RFX4: variants seen among roughly 807,000 people sequenced by gnomAD.
RFX4 encodes the protein transcription factor RFX4.
A neutral mutation model predicts 95.0 loss-of-function variants in RFX4; 10 were observed. That is an observed-to-expected ratio of 0.11 (90% CI 0.06 to 0.18). The LOEUF (loss-of-function observed/expected upper bound fraction) is 0.18, where lower values mean the gene tolerates loss of function less well. Ranked by LOEUF, RFX4 falls within the 10% of genes least tolerant of loss-of-function variation. The pLI, the probability that RFX4 is intolerant of heterozygous loss-of-function variation, is 1.00. For synonymous variants in RFX4, 321 were observed against 340.7 expected (o/e 0.94, Z 0.64); for missense variants, 640 against 922.0 (o/e 0.69, Z 3.96).
chr12:106,704,939 C>T (rs1188126797), intron 8 of RFX4, among the ~76,000 whole-genome samples: 2 of 152,088 alleles, frequency 1.3e-5, no homozygotes, highest in Non-Finnish European at 2.9e-5. Context: ...CAACATCAGA[C>T]AGAAAGGCAG....
rs1200972708 is a variant in RFX4, at chr12:106,641,951, C to CTATCTATATCTA, written c.191+2567_191+2578dup. On this transcript the variant is annotated intron_variant, in intron 3 of 17. Coordinates refer to ENST00000392842, the MANE Select transcript of RFX4 (RefSeq NM_213594.3). ...GAAATATCTATATCTATGTCTATAT[C>CTATCTATATCTA]TATCTATATCTATATCTATCTATAT... is the stretch of plus-strand genomic sequence containing the variant. Among the ~76,000 whole-genome samples, 934 of 144,638 alleles carry CTATCTATATCTA rather than the reference C, an allele frequency of 6.5e-3. 9 individuals carry two copies. The highest frequency in any genetic ancestry group is 0.025 in the Middle Eastern group (7 of 276). 94.9% of individuals were successfully genotyped at this position (144,638 alleles called of 152,430 possible).
At chr12:106,748,434 G>T (rs1285750801) in intron 16 of RFX4, among the ~76,000 whole-genome samples, 15 of 152,178 alleles carry the variant, frequency 9.9e-5, no homozygotes, top group African/African-American at 3.4e-4. Context: ...ATAGGTTCTA[G>T]CGGTGTTTTA....
chr12:106,637,625 G>A (rs991403505), intron 2 of RFX4, among the ~76,000 whole-genome samples: 3 of 151,976 alleles, frequency 2.0e-5, no homozygotes, highest in African/African-American at 7.3e-5. Flanking sequence ...GCCAAATTTT[G>A]TGGGTCAGGG....
intron 4 of RFX4, among the ~76,000 whole-genome samples, chr12:106,655,790 A>G (rs2137323850): frequency 6.6e-6 from 1 of 152,334 alleles, no homozygotes; most frequent in Admixed American, 6.5e-5. Flanking sequence ...AACTGAGATG[A>G]TGTCAGTGGA....
At chr12:106,756,663 T>C (rs1225492530) in intron 17 of RFX4, among the ~76,000 whole-genome samples, 2 of 152,252 alleles carry the variant, frequency 1.3e-5, no homozygotes, top group Non-Finnish European at 2.9e-5. Flanking sequence ...ATTAGCCCTG[T>C]GCCTCAATTT....
At chr12:106,643,817 T>C (rs1303089714) in intron 3 of RFX4, among the ~76,000 whole-genome samples, 1 of 152,252 alleles carries the variant, frequency 6.6e-6, no homozygotes, top group African/African-American at 2.4e-5. Context: ...TGTTAAAAAA[T>C]TAAAAACATT....
At chr12:106,589,600 T>G (rs906808501) in intron 1 of RFX4, among the ~76,000 whole-genome samples, 1 of 152,120 alleles carries the variant, frequency 6.6e-6, no homozygotes, top group East Asian at 1.9e-4. Flanking sequence ...CAGAGCTAGA[T>G]TGGAGAGCAG....
intron 1 of RFX4, among the ~76,000 whole-genome samples, chr12:106,605,270 T>G (rs1015544231): frequency 3.3e-4 from 50 of 152,224 alleles, no homozygotes; most frequent in African/African-American, 1.2e-3. Context: ...TCTTGACCTC[T>G]GCAAGACCAA....
At chr12:106,660,408 A>G (rs2041048547) in intron 4 of RFX4, among the ~76,000 whole-genome samples, 1 of 151,812 alleles carries the variant, frequency 6.6e-6, no homozygotes, top group Non-Finnish European at 1.5e-5. Flanking sequence ...TGGAAGGTCC[A>G]TGGAAGCTAA....
At chr12:106,634,034 G>A (rs2040466058) in intron 2 of RFX4, among the ~76,000 whole-genome samples, 1 of 151,610 alleles carries the variant, frequency 6.6e-6, no homozygotes, top group Non-Finnish European at 1.5e-5. Flanking sequence ...GTGTAGATAT[G>A]CATGTGCTTG....
At chr12:106,698,400 T>C (rs1426681826) in intron 8 of RFX4, among the ~76,000 whole-genome samples, 1 of 152,086 alleles carries the variant, frequency 6.6e-6, no homozygotes, top group East Asian at 1.9e-4. Flanking sequence ...TGCCCCAGCC[T>C]GCGGAGTAGC....
At chr12:106,749,564 C>G (rs1038555268) in intron 16 of RFX4, among the ~76,000 whole-genome samples, 1 of 152,122 alleles carries the variant, frequency 6.6e-6, no homozygotes, top group African/African-American at 2.4e-5. Flanking sequence ...TCTGAAAACT[C>G]TGTTTCAGAG....
intron 4 of RFX4, among the ~76,000 whole-genome samples, chr12:106,670,358 G>A (rs979986852): frequency 1.3e-5 from 2 of 152,094 alleles, no homozygotes; most frequent in Non-Finnish European, 2.9e-5. Context: ...AGTGTGTGAT[G>A]ACTGCCTTCT....
chr12:106,728,303 T>A (rs748509375), intron 13 of RFX4, among the ~76,000 whole-genome samples: 2 of 151,592 alleles, frequency 1.3e-5, no homozygotes, highest in Non-Finnish European at 2.9e-5. Context: ...CATGTCCTCA[T>A]GTATTAACTG....
chr12:106,593,259 G>C (rs1202496484), intron 1 of RFX4, among the ~76,000 whole-genome samples: 5 of 152,332 alleles, frequency 3.3e-5, no homozygotes, highest in Admixed American at 3.3e-4. Flanking sequence ...CTGCAACCCG[G>C]TGAAGGTTAG....
intron 3 of RFX4, 68 bp downstream of exon 3, chr12:106,639,460 A>C: frequency 7.3e-7 from 1 of 1,372,312 alleles, no homozygotes; most frequent in South Asian, 1.2e-5. Context: ...ATAGGATAGG[A>C]TATCACTTGG....
chr12:106,686,728 G>A (rs2041659539), intron 5 of RFX4, among the ~76,000 whole-genome samples, 156 bp from the exon 6 acceptor site: 1 of 152,110 alleles, frequency 6.6e-6, no homozygotes, highest in Non-Finnish European at 1.5e-5. Context: ...TAGCCTTACA[G>A]GAGAGTTAAC....
At chr12:106,637,683 T>G (rs1249065987) in intron 2 of RFX4, among the ~76,000 whole-genome samples, 1 of 152,174 alleles carries the variant, frequency 6.6e-6, no homozygotes, top group Non-Finnish European at 1.5e-5. Context: ...AGGAATTGGA[T>G]AAGAGACTGA....
chr12:106,757,543 G>A (rs1233480243), intron 17 of RFX4, among the ~76,000 whole-genome samples: 10 of 132,686 alleles, frequency 7.5e-5, no homozygotes, highest in African/African-American at 2.5e-4. Context: ...GCAAGACCCT[G>A]TCTCAAAAAA....
Sources: gnomAD v4.1 joint callset for allele counts (sites outside exome capture counted in the v4.1 genomes callset) on GRCh38, gnomAD v4.1.1 for gene constraint, MANE v1.5 for transcripts, NCBI Gene and HGNC (gene_info 2026-07-23, HGNC 2026-07-21) for gene names.